DPRX: variants seen among roughly 807,000 people sequenced by gnomAD.
DPRX encodes the protein divergent paired-related homeobox.
A neutral mutation model predicts 8.4 loss-of-function variants in DPRX; 11 were observed. That is an observed-to-expected ratio of 1.31 (90% CI 0.82 to 2.17). The LOEUF (loss-of-function observed/expected upper bound fraction) is 2.17. Ranked by LOEUF, DPRX falls within the 30% of genes most tolerant of loss-of-function variation. The pLI, the probability that DPRX is intolerant of heterozygous loss-of-function variation, is 0.00. For missense variants in DPRX, 211 were observed against 236.7 expected, an observed-to-expected ratio of 0.89 and a Z score of 0.71; for synonymous variants, 72 against 87.0, an observed-to-expected ratio of 0.83 and a Z score of 0.96.
chr19:53,624,013 T>C, the DPRX span, among the ~76,000 whole-genome samples: 9 of 151,852 alleles, frequency 5.9e-5, no homozygotes, highest in African/African-American at 2.2e-4. Context: ...GGCAGCTCTT[T>C]CTGTATAAGG....
chr19:53,609,681 C>A, the DPRX span, among the ~76,000 whole-genome samples: 2 of 151,866 alleles, frequency 1.3e-5, no homozygotes, highest in African/African-American at 4.8e-5. Flanking sequence ...GCCTGACCAA[C>A]ATGGCAAAAC....
At chr19:53,609,351 G>A in the DPRX span, among the ~76,000 whole-genome samples, 1 of 150,768 alleles carries the variant, frequency 6.6e-6, no homozygotes, top group South Asian at 2.1e-4. Context: ...GCCTATAATC[G>A]GAGCTACCCA....
the DPRX span, chr19:53,608,314 G>A: frequency 0.29 from 23,892 of 82,222 alleles, 2,002 homozygotes; most frequent in East Asian, 0.39. Flanking sequence ...TGTAGTCGGC[G>A]TCTGTGAGCT....
chr19:53,625,713 C>T, the DPRX span, among the ~76,000 whole-genome samples: 1 of 151,976 alleles, frequency 6.6e-6, no homozygotes, highest in African/African-American at 2.4e-5. Context: ...TCTCAGCTCA[C>T]TGCAACCTTC....
At chr19:53,621,326 G>C in the DPRX span, among the ~76,000 whole-genome samples, 2 of 151,642 alleles carry the variant, frequency 1.3e-5, no homozygotes, top group East Asian at 3.9e-4. Context: ...AGAGGCAAGG[G>C]CTTGCTCTGT....
At chr19:53,607,737 T>C in the DPRX span, among the ~76,000 whole-genome samples, 6 of 148,572 alleles carry the variant, frequency 4.0e-5, no homozygotes, top group Admixed American at 1.4e-4. Flanking sequence ...CACGCACCTG[T>C]AATCCCAGGT....
At chr19:53,622,049 G>C in the DPRX span, among the ~76,000 whole-genome samples, 1 of 151,984 alleles carries the variant, frequency 6.6e-6, no homozygotes, top group Non-Finnish European at 1.5e-5. Context: ...CTTTGTTTCT[G>C]AGAGATCTGA....
the DPRX span, among the ~76,000 whole-genome samples, chr19:53,618,847 TA>T: frequency 6.6e-6 from 1 of 151,924 alleles, no homozygotes; most frequent in Non-Finnish European, 1.5e-5. Context: ...CAAACCCGGC[TA>T]ATTTTGTACT....
the DPRX span, among the ~76,000 whole-genome samples, chr19:53,625,034 C>T: frequency 2.1e-5 from 3 of 142,974 alleles, no homozygotes; most frequent in Non-Finnish European, 4.6e-5. Flanking sequence ...CCTTAAAGGA[C>T]AATAGCAGAT....
At chr19:53,609,238 G>A in the DPRX span, among the ~76,000 whole-genome samples, 16 of 150,080 alleles carry the variant, frequency 1.1e-4, no homozygotes, top group African/African-American at 3.7e-4. Flanking sequence ...GAGGCCAAGA[G>A]GGGCAGATCC....
At chr19:53,623,553 G>A in the DPRX span, among the ~76,000 whole-genome samples, 1 of 151,890 alleles carries the variant, frequency 6.6e-6, no homozygotes, top group Non-Finnish European at 1.5e-5. Flanking sequence ...AAGGAGAATC[G>A]CTTGAATCCG....
At chr19:53,615,791 T>A in the DPRX span, among the ~76,000 whole-genome samples, 1 of 152,102 alleles carries the variant, frequency 6.6e-6, no homozygotes, top group Admixed American at 6.6e-5. Flanking sequence ...ATGGTTAGCA[T>A]TTTTTTCTTC....
intron 1 of DPRX, among the ~76,000 whole-genome samples, chr19:53,633,475 G>T (rs752399250): frequency 6.6e-6 from 1 of 151,962 alleles, no homozygotes; most frequent in Non-Finnish European, 1.5e-5. Flanking sequence ...AAGAGGTAAG[G>T]CACAAGCGAT....
upstream of DPRX, among the ~76,000 whole-genome samples, chr19:53,627,498 G>C (rs1388517997): frequency 6.8e-6 from 1 of 147,726 alleles, no homozygotes; most frequent in Non-Finnish European, 1.5e-5. Context: ...GTGCAATGGC[G>C]TGATCTTGGC....
upstream of DPRX, among the ~76,000 whole-genome samples, chr19:53,629,505 C>T (rs1422897252): frequency 6.7e-6 from 1 of 148,398 alleles, no homozygotes; most frequent in Non-Finnish European, 1.5e-5. Context: ...GCCTCCCAAA[C>T]TGCTGGGATT....
At chr19:53,610,187 A>G in the DPRX span, among the ~76,000 whole-genome samples, 5,685 of 30,300 alleles carry the variant, frequency 0.19, 289 homozygotes, top group East Asian at 0.49. Flanking sequence ...GTGTGGTGGC[A>G]TTTATGCCTG....
At chr19:53,617,560 C>CAAA in the DPRX span, among the ~76,000 whole-genome samples, 1 of 45,364 alleles carries the variant, frequency 2.2e-5, no homozygotes, top group African/African-American at 7.1e-5. Flanking sequence ...CTCCGTCTCA[C>CAAA]CAAAAAAAAA....
chr19:53,609,429 T>G, the DPRX span, among the ~76,000 whole-genome samples: 1 of 116,758 alleles, frequency 8.6e-6, no homozygotes, highest in East Asian at 3.0e-4. Context: ...ACCACACCAC[T>G]GTACTTTAGC....
chr19:53,634,759 T>TTA, intron 2 of DPRX, 74 bp downstream of exon 2: 1 of 1,531,230 alleles, frequency 6.5e-7, no homozygotes, highest in Non-Finnish European at 8.8e-7. Flanking sequence ...TCTAGGATAA[T>TTA]TCCTGAGGTC....
Sources: gnomAD v4.1 joint callset for allele counts (sites outside exome capture counted in the v4.1 genomes callset) on GRCh38, gnomAD v4.1.1 for gene constraint, MANE v1.5 for transcripts, NCBI Gene and HGNC (gene_info 2026-07-23, HGNC 2026-07-21) for gene names.